GPHN: variants seen among roughly 807,000 people sequenced by gnomAD.
GPHN encodes gephyrin.
GPHN carries 17 observed loss-of-function variants against 95.5 expected under a neutral mutation model. The ratio of observed to expected loss-of-function variants is 0.18; its 90% CI spans 0.12 to 0.27. The LOEUF (loss-of-function observed/expected upper bound fraction) is 0.27, where lower values mean the gene tolerates loss of function less well. Ranked by LOEUF, GPHN falls within the 10% of genes least tolerant of loss-of-function variation. GPHN has a pLI of 1.00. For missense variants in GPHN, 660 were observed against 978.1 expected (o/e 0.67, Z 4.34); for synonymous variants, 320 against 322.5 (o/e 0.99, Z 0.08).
chr14:66,680,712 C>T (rs1320862915), intron 1 of GPHN, among the ~76,000 whole-genome samples: 4 of 152,034 alleles, frequency 2.6e-5, no homozygotes, highest in Non-Finnish European at 5.9e-5. Context: ...TTTCTATTTC[C>T]CTTGCTCGCC....
At chr14:67,690,280 C>T in the GPHN span, 2 of 1,614,144 alleles carry the variant, frequency 1.2e-6, no homozygotes, top group Non-Finnish European at 1.7e-6. Context: ...GTAGGCCAGG[C>T]CTGCATTGTA....
the GPHN span, among the ~76,000 whole-genome samples, chr14:67,591,285 T>C: frequency 6.6e-6 from 1 of 152,134 alleles, no homozygotes; most frequent in Non-Finnish European, 1.5e-5. Context: ...GCCAGGATGG[T>C]AGAAAAAGAA....
chr14:66,828,304 G>A (rs961295150), intron 4 of GPHN, among the ~76,000 whole-genome samples: 3 of 152,038 alleles, frequency 2.0e-5, no homozygotes, highest in Non-Finnish European at 4.4e-5. Context: ...ACTTTACATC[G>A]TAGAGTAGTT....
the GPHN span, chr14:67,600,153 C>A: frequency 1.9e-6 from 3 of 1,591,436 alleles, no homozygotes. Context: ...AGCGGCGCTG[C>A]AGCGCCAGGC....
At chr14:67,586,226 G>A in the GPHN span, 7 of 1,200,022 alleles carry the variant, frequency 5.8e-6, no homozygotes, top group East Asian at 1.2e-4. Flanking sequence ...GGTCTTGTCT[G>A]TAATTAGTAT....
chr14:66,971,562 CAT>C (rs1217942807), intron 9 of GPHN, among the ~76,000 whole-genome samples: 2 of 152,088 alleles, frequency 1.3e-5, no homozygotes, highest in Non-Finnish European at 2.9e-5. Flanking sequence ...AATTGAGCCT[CAT>C]ATAGATATAT....
intron 3 of GPHN, among the ~76,000 whole-genome samples, chr14:66,808,318 C>T (rs1368111908): frequency 1.3e-5 from 2 of 152,122 alleles, no homozygotes; most frequent in East Asian, 3.9e-4. Context: ...TTATTCTCCT[C>T]CTCGGTTGTT....
the GPHN span, among the ~76,000 whole-genome samples, chr14:67,535,940 C>T: frequency 7.2e-5 from 11 of 152,280 alleles, no homozygotes; most frequent in Admixed American, 6.5e-4. Context: ...TATTACTGCC[C>T]TCAATTTCAG....
chr14:66,604,985 A>G (rs185512329), intron 1 of GPHN, among the ~76,000 whole-genome samples: 3 of 152,116 alleles, frequency 2.0e-5, no homozygotes, highest in Admixed American at 2.0e-4. Context: ...TGTGTTAATT[A>G]GGATAATGGC....
chr14:67,279,123 T>C, the GPHN span: 24 of 1,489,674 alleles, frequency 1.6e-5, no homozygotes, highest in Non-Finnish European at 2.1e-5. Context: ...AATTGGCTTA[T>C]AGGAAAAATT....
chr14:66,523,247 T>G (rs2058552933), intron 1 of GPHN, among the ~76,000 whole-genome samples: 1 of 152,120 alleles, frequency 6.6e-6, no homozygotes, highest in African/African-American at 2.4e-5. Flanking sequence ...TATCATGTGC[T>G]ACAGAGGTTC....
rs1433748974 is a variant in GPHN at position 66,826,656 on chromosome 14, T to C, written c.294+2090T>C. Among the ~76,000 whole-genome samples, 4 of 152,206 alleles carry C rather than the reference T, an allele frequency of 2.6e-5. 1 individual carries two copies. In the South Asian group the frequency reaches 6.2e-4, roughly 24 times the overall value. On this transcript the variant is annotated intron_variant, in intron 4 of 22. Transcript: ENST00000478722. Reference sequence around the variant, plus strand: ...AAACCTCCTGGAAACACTTTACTTATGCTTACCAGTTTACTATAAAGGATA... The same window carrying C: ...AAACCTCCTGGAAACACTTTACTTACGCTTACCAGTTTACTATAAAGGATA...
chr14:67,139,777 C>T (rs1363343158), intron 17 of GPHN, among the ~76,000 whole-genome samples: 2 of 152,058 alleles, frequency 1.3e-5, no homozygotes, highest in African/African-American at 4.8e-5. Context: ...AAGCCAGAAG[C>T]GTACAACAGA....
chr14:67,423,111 G>T, the GPHN span, among the ~76,000 whole-genome samples: 4,280 of 152,136 alleles, frequency 0.028, 78 homozygotes, highest in Non-Finnish European at 0.041. Context: ...GGGATTACAG[G>T]GGTGAGCCAC....
chr14:67,440,076 T>C, the GPHN span, among the ~76,000 whole-genome samples: 4 of 152,300 alleles, frequency 2.6e-5, no homozygotes, highest in South Asian at 8.3e-4. Context: ...CCTCAAGTGA[T>C]CCACCTGCCT....
chr14:67,487,292 G>A, the GPHN span: 1 of 152,424 alleles, frequency 6.6e-6, no homozygotes, highest in Non-Finnish European at 1.5e-5. Context: ...CTGGCCACCA[G>A]GGCCCCTTCC....
chr14:66,673,869 A>G (rs1053868143), intron 1 of GPHN, among the ~76,000 whole-genome samples: 5 of 152,158 alleles, frequency 3.3e-5, no homozygotes, highest in African/African-American at 7.2e-5. Flanking sequence ...GCTGACATGT[A>G]GTAATTGTAC....
the GPHN span, chr14:67,573,757 G>A: frequency 1.6e-6 from 2 of 1,260,366 alleles, no homozygotes; most frequent in African/African-American, 1.5e-5. The surrounding 1 kb of genome is among the most constrained non-coding windows in gnomAD (Gnocchi z 4.8). Flanking sequence ...GCTCCGGAAA[G>A]GCTCCACATT....
At chr14:67,531,408 C>A in the GPHN span, among the ~76,000 whole-genome samples, 109 of 152,160 alleles carry the variant, frequency 7.2e-4, no homozygotes, top group African/African-American at 2.5e-3. Flanking sequence ...CCTCTACCAC[C>A]CTCCCACAGA....
Sources: gnomAD v4.1 joint callset for allele counts (sites outside exome capture counted in the v4.1 genomes callset) on GRCh38, gnomAD v4.1.1 for gene constraint, Gnocchi (gnomAD v3.1) non-coding constraint, MANE v1.5 for transcripts, NCBI Gene and HGNC (gene_info 2026-07-23, HGNC 2026-07-21) for gene names.